Variants in FEZF1 observed in about 807,000 individuals in gnomAD.
FEZF1 encodes FEZ family zinc finger 1, also known as fez family zinc finger protein 1.
Under a neutral mutation model 32.4 loss-of-function variants are expected in FEZF1, and 8 were observed. That is an observed-to-expected ratio of 0.25 (90% CI 0.15 to 0.45). The LOEUF is 0.45. Among genes scored for constraint, FEZF1 ranks in the 20% least tolerant of loss-of-function variants. FEZF1 has a pLI of 1.00. For missense variants in FEZF1, 546 were observed against 622.3 expected (o/e 0.88, Z 1.31); for synonymous variants, 259 against 265.2 (o/e 0.98, Z 0.23).
rs985016683 is a variant in FEZF1, at chr7:122,301,702, C to T, written c.*295G>A. On this transcript the variant is annotated 3_prime_UTR_variant, in exon 4 of 4. Transcript: ENST00000442488. ...AAACAAAATAAACACCATCTCTCCA[C>T]CCAAGATGAAAAGTCTTTCCAAATT... 1 of 362,738 alleles carries T rather than the reference C, an allele frequency of 2.8e-6. No homozygotes were observed. Among genetic ancestry groups the T allele is most frequent in the Non-Finnish European group, 4.8e-6 (1 of 206,294 alleles). 22.5% of individuals were successfully genotyped at this position (362,738 alleles called of 1,614,324 possible).
Position 122,304,604 on chromosome 7 carries a change from A to G in FEZF1, c.-167T>C, listed in dbSNP as rs2031211257. 5.9e-6 allele frequency: 3 copies of G among 504,696 alleles called. No individual in the cohort carries two copies. Among genetic ancestry groups the G allele is most frequent in the Admixed American group, 6.0e-5 (2 of 33,078 alleles). The allele number at this position is 504,696 out of a possible 1,614,324, so 31.3% of individuals were successfully genotyped here. ...CAGCCGAACCTGCCTGCCCAGCCCA[A>G]TGGACTCCTGCCAGCCCATCGCAGA... On this transcript the variant is annotated 5_prime_UTR_variant, in exon 1 of 4. Coordinates refer to ENST00000442488, the MANE Select transcript of FEZF1 (RefSeq NM_001024613.4).
Position 122,302,516 on chromosome 7 carries a change from T to C in FEZF1, c.1070-161A>G, listed in dbSNP as rs1416285202. On this transcript the variant is annotated intron_variant, in intron 3 of 3. Coordinates refer to ENST00000442488, the MANE Select transcript of FEZF1 (RefSeq NM_001024613.4). The surrounding 1 kb of genome is among the most constrained non-coding windows in gnomAD (Gnocchi z 4.4). ...CTGTGCCTGCACTTGTCTCCCCAAG[T>C]TTATTTTCAAGCATCGCATCAACAG... is the stretch of plus-strand genomic sequence containing the variant. 1.3e-5 allele frequency among the ~76,000 whole-genome samples: 2 copies of C among 152,116 alleles called. No homozygotes were observed. The highest frequency in any genetic ancestry group is 4.8e-5 in the African/African-American group (2 of 41,428).
upstream of FEZF1, chr7:122,304,769 CT>C (rs1184661389): frequency 3.4e-6 from 1 of 294,620 alleles, no homozygotes; most frequent in Admixed American, 4.5e-5. Context: ...GCTCAATTCG[CT>C]TCCAACAGTC....
chr7:122,308,959 C>T (rs1297819324), upstream of FEZF1, among the ~76,000 whole-genome samples: 3 of 152,180 alleles, frequency 2.0e-5, no homozygotes, highest in Non-Finnish European at 4.4e-5. Context: ...AGGAAAAACA[C>T]GTTTTTTAAT....
upstream of FEZF1, among the ~76,000 whole-genome samples, chr7:122,309,383 T>C (rs543715640): frequency 1.3e-5 from 2 of 152,330 alleles, no homozygotes; most frequent in Non-Finnish European, 2.9e-5. Context: ...ATTTCTTTTA[T>C]ATTAGGATTT....
rs1332252658 is a variant in FEZF1 at position 122,304,471 on chromosome 7, G to T, written c.-34C>A. The T allele has an allele frequency of 5.2e-6, 8 of 1,531,274 alleles. No individual in the cohort carries two copies. Among genetic ancestry groups the T allele is most frequent in the Non-Finnish European group, 7.1e-6 (8 of 1,134,028 alleles). 94.9% of individuals were successfully genotyped at this position (1,531,274 alleles called of 1,614,324 possible). ...CGCCAGCGTCCGTCAGCCGGGGCTG[G>T]GTTGCGCCGTCCGTTGCCTTGTTCC... On this transcript the variant is annotated 5_prime_UTR_variant, in exon 1 of 4. Coordinates refer to ENST00000442488, the MANE Select transcript of FEZF1 (RefSeq NM_001024613.4).
intron 1 of FEZF1, 109 bp downstream of exon 1, chr7:122,303,517 GGAAGGAAGGAA>G (rs1563042043): frequency 3.2e-4 from 162 of 514,234 alleles, no homozygotes; most frequent in Non-Finnish European, 4.1e-4. Context: ...AAGGAAGGAA[GGAAGGAAGGAA>G]GGAAGGAAGG....
In FEZF1 at chr7:122,301,998, C is replaced by T; in HGVS notation, c.1427G>A (p.Ter476=). ...GGCTGGGAGGACCCTTAGCCTCGAT[C>T]ACTGGTGGCCCTGGTGGAGCCCGGG... The part of the protein sequence containing the change: ...LQPGLHQGHQ[*] The change falls in exon 4 of 4, where the codon TGA becomes TAA. Residue 476 remains the stop codon, a stop_retained_variant. Coordinates refer to ENST00000442488, the MANE Select transcript of FEZF1 (RefSeq NM_001024613.4). The T allele has an allele frequency of 6.3e-7, 1 of 1,584,722 alleles. No homozygotes were observed.
chr7:122,308,952 A>G (rs1436855303), upstream of FEZF1, among the ~76,000 whole-genome samples: 1 of 152,234 alleles, frequency 6.6e-6, no homozygotes, highest in African/African-American at 2.4e-5. Flanking sequence ...TTCTAGAAGG[A>G]AAAACACGTT....
rs1444716993 is a variant in FEZF1, at chr7:122,304,297, TG to T, written c.140del (p.Pro47GlnfsTer28). The T allele has an allele frequency of 6.2e-7, 1 of 1,612,782 alleles. No individual in the cohort carries two copies. The stretch of plus-strand genomic sequence containing the variant: ...AGGCTCCCTGCAGGAAGTGGGGGAC[TG>T]GCAGGGCCTTGGGCTCTGGGGTGCG... ...MARTPEPKAL[P>X]VPHFLQGALP... On this transcript the variant is annotated frameshift_variant, in exon 1 of 4. Transcript: ENST00000442488. LOFTEE classifies it high-confidence loss of function.
chr7:122,303,140 G>T (rs1176099581), intron 2 of FEZF1, 37 bp downstream of exon 2: 4 of 1,613,498 alleles, frequency 2.5e-6, no homozygotes, highest in Admixed American at 1.7e-5. Flanking sequence ...AAACAGTTCG[G>T]AAGCAAACTA....
upstream of FEZF1, chr7:122,308,611 T>C (rs1185773189): frequency 6.6e-6 from 1 of 152,222 alleles, no homozygotes; most frequent in Non-Finnish European, 1.5e-5. Context: ...CTCTAATCTC[T>C]TATTCCTTGA....
At chr7:122,306,111 C>CCTAGCT (rs1220003514), upstream of FEZF1, 1 of 151,970 alleles carries the variant, frequency 6.6e-6, no homozygotes, top group Non-Finnish European at 1.5e-5. Context: ...CAGCTAGGCG[C>CCTAGCT]GCAGGAAGGG....
At chr7:122,303,531 A>ACGG in intron 1 of FEZF1, 106 bp downstream of exon 1, 1 of 350,504 alleles carries the variant, frequency 2.9e-6, no homozygotes. Context: ...GGAAGGAAGG[A>ACGG]AGGAAGGAGG....
Position 122,302,706 on chromosome 7 carries a change from A to G in FEZF1, c.1069+93T>C, listed in dbSNP as rs1274648778. 5 of 1,397,898 alleles carry G rather than the reference A, an allele frequency of 3.6e-6. No homozygotes were observed. In the African/African-American group the frequency reaches 5.7e-5, roughly 16 times the overall value. 86.6% of individuals were successfully genotyped at this position (1,397,898 alleles called of 1,614,324 possible). ...ATGGCAACAAAAGTGCCACATAACT[A>G]CACTTTAAACATCGTCTTCTAAAAC... On this transcript the variant is annotated intron_variant, in intron 3 of 3. Coordinates refer to ENST00000442488, the MANE Select transcript of FEZF1 (RefSeq NM_001024613.4). The surrounding 1 kb of genome is among the most constrained non-coding windows in gnomAD (Gnocchi z 4.4).
chr7:122,304,208 AAGGGGATCATGC>A lies in FEZF1; in HGVS notation c.218_229del (p.Cys73_Pro76del). ...GCTCGTGTCGTAGGCCACAGGCACG[AAGGGGATCATGC>A]AGGGGATCGACGAGTTGAGATGCAG... On this transcript the variant is annotated inframe_deletion, in exon 1 of 4. Coordinates refer to ENST00000442488, the MANE Select transcript of FEZF1 (RefSeq NM_001024613.4). 6.3e-7 allele frequency: 1 copy of A among 1,596,380 alleles called. No individual in the cohort carries two copies. Among genetic ancestry groups the A allele is most frequent in the South Asian group, 1.1e-5 (1 of 88,816 alleles).
At chr7:122,305,217 GTGGGCCGGGCTGGGCCGGGC>G (rs916218384), upstream of FEZF1, 4 of 152,192 alleles carry the variant, frequency 2.6e-5, no homozygotes, top group Non-Finnish European at 5.9e-5. Context: ...CTGGGCCTGG[GTGGGCCGGGCTGGGCCGGGC>G]TGGGCCGGGT....
chr7:122,309,845 C>T (rs1409223283), intron 1 of FEZF1: 1 of 152,126 alleles, frequency 6.6e-6, no homozygotes, highest in African/African-American at 2.4e-5. Context: ...TAGAAAAAAC[C>T]TGTTTTCGTG....
chr7:122,306,458 GA>G (rs1259597105), upstream of FEZF1: 1 of 152,196 alleles, frequency 6.6e-6, no homozygotes, highest in Non-Finnish European at 1.5e-5. Context: ...GACCTTAAAC[GA>G]AGGAAATTGA....
Sources: allele counts gnomAD v4.1 joint callset (sites outside exome capture counted in the v4.1 genomes callset), GRCh38; gene constraint gnomAD v4.1.1; non-coding constraint Gnocchi (gnomAD v3.1); transcripts MANE v1.5; gene names NCBI Gene and HGNC (gene_info 2026-07-23, HGNC 2026-07-21).